PAK1: variants seen among roughly 807,000 people sequenced by gnomAD.
PAK1 encodes the protein p21 (RAC1) activated kinase 1.
Under a neutral mutation model 67.4 loss-of-function variants are expected in PAK1, and 29 were observed. The observed-to-expected ratio is 0.43, with a 90% CI of 0.32 to 0.59. PAK1 has a LOEUF of 0.59. Among genes scored for constraint, PAK1 ranks in the 20% least tolerant of loss-of-function variants. The probability of loss-of-function intolerance (pLI) is 0.07; values close to 1 mark genes in which losing one functional copy is unlikely to be tolerated. For synonymous variants in PAK1, 223 were observed against 237.4 expected (o/e 0.94, Z 0.56); for missense variants, 337 against 670.7 (o/e 0.50, Z 5.50).
the PAK1 span, among the ~76,000 whole-genome samples, chr11:77,517,329 G>A: frequency 6.6e-6 from 1 of 152,164 alleles, no homozygotes; most frequent in Non-Finnish European, 1.5e-5. Context: ...TAACTTCTGT[G>A]GTCAAAGAAA....
chr11:77,484,139 A>G, the PAK1 span, among the ~76,000 whole-genome samples: 2 of 151,846 alleles, frequency 1.3e-5, no homozygotes, highest in African/African-American at 4.8e-5. Context: ...AGTAAGCATT[A>G]GTATAGAGAA....
rs1843176302 is a variant in PAK1, at chr11:77,473,755, G to C, written c.-225C>G. 1 of 150,818 alleles carries C rather than the reference G, an allele frequency of 6.6e-6. No individual in the cohort carries two copies. The highest frequency in any genetic ancestry group is 6.6e-5 in the Admixed American group (1 of 15,222). 9.3% of individuals were successfully genotyped at this position (150,818 alleles called of 1,614,324 possible). A position where few individuals can be genotyped will look rare whatever the true frequency, so the allele number is the denominator to read the frequency against. Reference sequence around the variant, plus strand: ...GGATGATGGGGGGGCGGGAGGGAGCGAGGCGACGCGGGCGGGGGGGGAAGG... The same window carrying C: ...GGATGATGGGGGGGCGGGAGGGAGCCAGGCGACGCGGGCGGGGGGGGAAGG... On this transcript the variant is annotated 5_prime_UTR_variant, in exon 1 of 15. Coordinates refer to ENST00000356341, the MANE Select transcript of PAK1 (RefSeq NM_002576.5).
At chr11:77,389,630 G>A (rs1319477892) in intron 2 of PAK1, among the ~76,000 whole-genome samples, 1 of 152,178 alleles carries the variant, frequency 6.6e-6, no homozygotes, top group Non-Finnish European at 1.5e-5. Context: ...ATCCTTTCAT[G>A]TGCTTCTTGG....
chr11:77,343,990 G>T, intron 9 of PAK1, 59 bp from the exon 10 acceptor site: 1 of 1,083,186 alleles, frequency 9.2e-7, no homozygotes, highest in Non-Finnish European at 1.4e-6. Flanking sequence ...TTGAGCACCT[G>T]CTAAGTACCA....
At position 77,349,261 on chromosome 11, in the gene PAK1, A is replaced by T; in HGVS notation, c.863T>A (p.Met288Lys). The change falls in exon 9 of 15, where the codon ATG becomes AAG. Residue 288 changes from methionine to lysine, a missense_variant. Around this residue, in one of 8 missense-constraint regions of PAK1, gnomAD observed 150 missense variants for 179.0 expected, o/e 0.84. Transcript: ENST00000356341. ...QGASGTVYTAMDVATGQEVAI... is the reference protein window; with the variant it reads ...QGASGTVYTAKDVATGQEVAI... Reference sequence around the variant, plus strand: ...CACCTCCTGTCCTGTGGCCACATCCATTGCTGTGTACACGGTGCCTGAAGC... The same window carrying T: ...CACCTCCTGTCCTGTGGCCACATCCTTTGCTGTGTACACGGTGCCTGAAGC... The T allele has an allele frequency of 6.2e-7, 1 of 1,601,124 alleles. No homozygotes were observed. The highest frequency in any genetic ancestry group is 8.5e-7 in the Non-Finnish European group (1 of 1,173,184).
chr11:77,491,044 T>C, the PAK1 span, among the ~76,000 whole-genome samples: 1 of 151,774 alleles, frequency 6.6e-6, no homozygotes, highest in Admixed American at 6.6e-5. Context: ...TGTTCACTTG[T>C]TTATCTGCTG....
chr11:77,381,626 A>G (rs2137139902), intron 2 of PAK1, among the ~76,000 whole-genome samples: 1 of 152,340 alleles, frequency 6.6e-6, no homozygotes, highest in Non-Finnish European at 1.5e-5. Flanking sequence ...TGATGTCAAT[A>G]TAGTATTTTT....
intron 14 of PAK1, 103 bp downstream of exon 14, chr11:77,332,627 G>A (rs1941905929): frequency 4.5e-6 from 4 of 880,174 alleles, no homozygotes; most frequent in Non-Finnish European, 7.2e-6. Context: ...TGGTAGAAGA[G>A]AAGCCTAGTT....
the PAK1 span, among the ~76,000 whole-genome samples, chr11:77,503,244 C>T: frequency 6.6e-6 from 1 of 152,180 alleles, no homozygotes; most frequent in African/African-American, 2.4e-5. Flanking sequence ...AGGAGTGGGT[C>T]TAAGGCCAAT....
chr11:77,380,873 C>G (rs1212348953), intron 2 of PAK1, among the ~76,000 whole-genome samples: 1 of 152,064 alleles, frequency 6.6e-6, no homozygotes, highest in Non-Finnish European at 1.5e-5. Context: ...AAGAATCTGC[C>G]TAAGACACAA....
chr11:77,455,607 A>C (rs10899378), intron 1 of PAK1, among the ~76,000 whole-genome samples: 1 of 152,114 alleles, frequency 6.6e-6, no homozygotes, highest in Non-Finnish European at 1.5e-5. Context: ...TCTCCCAAAG[A>C]TTCCTAAATC....
intron 1 of PAK1, among the ~76,000 whole-genome samples, chr11:77,434,690 C>T (rs746590637): frequency 4.1e-4 from 63 of 152,218 alleles, no homozygotes; most frequent in Non-Finnish European, 7.6e-4. Context: ...ATGATGTCTG[C>T]TCACTGCAAC....
chr11:77,349,872 C>T (rs1010462069), intron 8 of PAK1, among the ~76,000 whole-genome samples: 2 of 151,978 alleles, frequency 1.3e-5, no homozygotes, highest in Non-Finnish European at 2.9e-5. Flanking sequence ...GGTGGGCCAG[C>T]ATATCTTATT....
chr11:77,404,150 A>G (rs1170288670), intron 1 of PAK1, among the ~76,000 whole-genome samples: 1 of 152,220 alleles, frequency 6.6e-6, no homozygotes, highest in African/African-American at 2.4e-5. Flanking sequence ...GTCGTATTCT[A>G]TCATAGCAAC....
chr11:77,512,881 C>T, the PAK1 span, among the ~76,000 whole-genome samples: 1 of 152,036 alleles, frequency 6.6e-6, no homozygotes, highest in Non-Finnish European at 1.5e-5. Context: ...ATCGCTTGAG[C>T]CCAGGAGTTC....
intron 1 of PAK1, among the ~76,000 whole-genome samples, chr11:77,468,512 C>T (rs1439016088): frequency 1.3e-5 from 2 of 152,136 alleles, no homozygotes; most frequent in Non-Finnish European, 2.9e-5. Context: ...AATAAATTTA[C>T]GATGGCACAG....
chr11:77,434,108 A>G (rs756691902), intron 1 of PAK1, among the ~76,000 whole-genome samples: 1 of 152,254 alleles, frequency 6.6e-6, no homozygotes, highest in African/African-American at 2.4e-5. Context: ...ACATAGAGTT[A>G]GCACATGACC....
At chr11:77,350,009 C>G (rs1945017191) in intron 8 of PAK1, among the ~76,000 whole-genome samples, 1 of 152,016 alleles carries the variant, frequency 6.6e-6, no homozygotes, top group Non-Finnish European at 1.5e-5. Flanking sequence ...TGTATGCTAT[C>G]TTTAGTGAAA....
rs190212576 is a variant in PAK1, at chr11:77,393,794, G to A, written c.-21-1253C>T. ...AAGGCAGGCGGATCACTTGAGGTCA[G>A]GAGTTTGAGACCAGCCTGGCCAATA... On this transcript the variant is annotated intron_variant, in intron 1 of 14. Transcript: ENST00000356341. Among the ~76,000 whole-genome samples the A allele has an allele frequency of 4.6e-3, 695 of 152,274 alleles. 3 individuals carry two copies. The highest frequency in any genetic ancestry group is 7.2e-3 in the Non-Finnish European group (489 of 68,024).
Sources: gnomAD v4.1 joint callset for allele counts (sites outside exome capture counted in the v4.1 genomes callset) on GRCh38, gnomAD v4.1.1 for gene constraint, gnomAD v4.1.1 regional missense constraint, MANE v1.5 for transcripts, NCBI Gene and HGNC (gene_info 2026-07-23, HGNC 2026-07-21) for gene names.